TRHDE: variants seen among roughly 807,000 people sequenced by gnomAD.
The protein encoded by TRHDE is thyrotropin releasing hormone degrading enzyme.
In TRHDE, 72 loss-of-function variants were observed where a neutral mutation model predicts 125.7. The observed-to-expected ratio is 0.57, with a 90% CI of 0.47 to 0.70. The LOEUF is 0.70. Ranked by LOEUF, TRHDE falls within the 30% of genes least tolerant of loss-of-function variation. The pLI, the probability that TRHDE is intolerant of heterozygous loss-of-function variation, is 0.00. For synonymous variants in TRHDE, 509 were observed against 509.1 expected, an observed-to-expected ratio of 1.00 and a Z score of 0.00; for missense variants, 1,110 against 1,327.1, an observed-to-expected ratio of 0.84 and a Z score of 2.54.
At chr12:72,589,959 T>C (rs983380030) in intron 12 of TRHDE, among the ~76,000 whole-genome samples, 1 of 152,034 alleles carries the variant, frequency 6.6e-6, no homozygotes, top group Non-Finnish European at 1.5e-5. Context: ...TTCTAGTTTT[T>C]TAAATGGAGT....
At chr12:72,547,366 T>A (rs549824245) in intron 7 of TRHDE, among the ~76,000 whole-genome samples, 1 of 151,824 alleles carries the variant, frequency 6.6e-6, no homozygotes, top group South Asian at 2.1e-4. Flanking sequence ...TCAATCCAGT[T>A]GCTTGTGGTC....
chr12:72,404,721 G>A (rs1187494139), intron 3 of TRHDE, among the ~76,000 whole-genome samples: 1 of 152,052 alleles, frequency 6.6e-6, no homozygotes. Context: ...CTCCCATCAG[G>A]TCCTTCTCAC....
At chr12:72,146,219 G>A (rs986379996) in intron 2 of TRHDE, among the ~76,000 whole-genome samples, 4 of 152,124 alleles carry the variant, frequency 2.6e-5, no homozygotes, top group Non-Finnish European at 4.4e-5. Context: ...TCTTTGTCTT[G>A]TTTAAATACT....
chr12:72,500,065 A>C (rs1420427176), intron 6 of TRHDE, among the ~76,000 whole-genome samples: 1 of 152,198 alleles, frequency 6.6e-6, no homozygotes, highest in East Asian at 1.9e-4. Context: ...GCATCTTATA[A>C]ACATTATTTA....
chr12:72,447,775 G>A (rs1875371176), intron 3 of TRHDE, among the ~76,000 whole-genome samples: 1 of 152,026 alleles, frequency 6.6e-6, no homozygotes, highest in South Asian at 2.1e-4. Context: ...GAGCCTCAGA[G>A]AGAATTGATC....
At chr12:72,105,712 T>A (rs1033617101) in exon 2 of TRHDE, 1 of 152,156 alleles carries the variant, frequency 6.6e-6, no homozygotes, top group Non-Finnish European at 1.5e-5. Context: ...GCAGTCTGAC[T>A]CCAAGTCTGT....
At chr12:72,507,821 C>T (rs925191204) in intron 6 of TRHDE, among the ~76,000 whole-genome samples, 3 of 152,208 alleles carry the variant, frequency 2.0e-5, no homozygotes, top group African/African-American at 4.8e-5. Context: ...GGCCTGGAGA[C>T]CTAGGAGGGA....
chr12:72,430,720 AT>A (rs1206676821), intron 3 of TRHDE, among the ~76,000 whole-genome samples: 8 of 151,826 alleles, frequency 5.3e-5, no homozygotes, highest in African/African-American at 1.7e-4. Context: ...TTTCATGGTC[AT>A]TTTGGCAACT....
At position 72,200,615 on chromosome 12, in the gene TRHDE, G is replaced by C. The variant is rs534071756; in HGVS notation, n.279+94863G>C. Among the ~76,000 whole-genome samples, 6 of 152,256 alleles carry C rather than the reference G, an allele frequency of 3.9e-5. No individual in the cohort carries two copies. In the East Asian group the frequency reaches 1.2e-3, roughly 29 times the overall value. On this transcript the variant is annotated intron_variant and non_coding_transcript_variant, in intron 2 of 4. Coordinates refer to the TRHDE transcript ENST00000548156. The stretch of plus-strand genomic sequence containing the variant: ...TGCTTTTGTGGCTGGATTGGGACAT[G>C]CAGGGAGTTAAAAGGAGATATAATG...
rs139018729 is a variant in TRHDE at position 72,349,872 on chromosome 12, A to G, written c.1189-28123A>G. On this transcript the variant is annotated intron_variant, in intron 2 of 18. Coordinates refer to ENST00000261180, the MANE Select transcript of TRHDE (RefSeq NM_013381.3). ...CTAGTTGCCTCATCTGTAAATTGGG[A>G]ACAGATATCATGCGTTTCTCATGCA... Among the ~76,000 whole-genome samples the G allele has an allele frequency of 4.6e-5, 7 of 152,098 alleles. No individual in the cohort carries two copies. In the East Asian group the frequency reaches 1.4e-3, roughly 30 times the overall value.
At chr12:72,206,402 G>A (rs1877666383) in intron 2 of TRHDE, among the ~76,000 whole-genome samples, 1 of 152,098 alleles carries the variant, frequency 6.6e-6, no homozygotes, top group Non-Finnish European at 1.5e-5. Flanking sequence ...AGGACTGATT[G>A]TTATTTAATT....
At chr12:72,620,847 ATATTTAC>A (rs1351113803) in intron 13 of TRHDE, among the ~76,000 whole-genome samples, 1 of 152,132 alleles carries the variant, frequency 6.6e-6, no homozygotes, top group Non-Finnish European at 1.5e-5. Context: ...ATCATCTAAA[ATATTTAC>A]TCATGCAAAT....
At chr12:72,662,407 A>G (rs1462404536) in intron 18 of TRHDE, among the ~76,000 whole-genome samples, 2 of 152,188 alleles carry the variant, frequency 1.3e-5, no homozygotes, top group Non-Finnish European at 2.9e-5. Flanking sequence ...TTATAACTTA[A>G]ATGCTCAGAT....
At chr12:72,184,224 G>A (rs2139343578) in intron 2 of TRHDE, among the ~76,000 whole-genome samples, 1 of 152,206 alleles carries the variant, frequency 6.6e-6, no homozygotes, top group South Asian at 2.1e-4. Flanking sequence ...GGTGCCTGGG[G>A]TCTTCTTTTC....
chr12:72,653,506 G>A lies in TRHDE; in HGVS notation c.2984+350G>A, dbSNP rs1874590184. On this transcript the variant is annotated intron_variant, in intron 17 of 18. Coordinates refer to ENST00000261180, the MANE Select transcript of TRHDE (RefSeq NM_013381.3). ...TATAGAAATGATTTATAAATACAGT[G>A]GTATTATAAAAATAAAACGTTAATT... 2.6e-5 allele frequency among the ~76,000 whole-genome samples: 4 copies of A among 151,390 alleles called. No individual in the cohort carries two copies. The South Asian group carries it at 8.4e-4, about 32-fold the overall frequency.
intron 2 of TRHDE, among the ~76,000 whole-genome samples, chr12:72,116,389 C>T (rs1875444177): frequency 6.6e-6 from 1 of 152,070 alleles, no homozygotes; most frequent in African/African-American, 2.4e-5. Flanking sequence ...AATGGGATTG[C>T]TGGGTCAAAT....
intron 2 of TRHDE, among the ~76,000 whole-genome samples, chr12:72,145,472 G>A (rs1876206428): frequency 6.6e-6 from 1 of 152,218 alleles, no homozygotes; most frequent in Admixed American, 6.5e-5. Context: ...GTGGCCACCA[G>A]TGTAGCTTGG....
intron 2 of TRHDE, among the ~76,000 whole-genome samples, chr12:72,332,060 C>G (rs1375031107): frequency 1.3e-5 from 2 of 152,142 alleles, no homozygotes; most frequent in African/African-American, 2.4e-5. Flanking sequence ...AGCTTACAAT[C>G]ATAGCAGAAG....
intron 2 of TRHDE, among the ~76,000 whole-genome samples, chr12:72,240,632 C>T (rs1204022911): frequency 1.3e-5 from 2 of 151,636 alleles, no homozygotes; most frequent in Non-Finnish European, 2.9e-5. Flanking sequence ...TACAGTGGCG[C>T]GATCTCGGCT....
Sources: allele counts gnomAD v4.1 joint callset (sites outside exome capture counted in the v4.1 genomes callset), GRCh38; gene constraint gnomAD v4.1.1; transcripts MANE v1.5; gene names NCBI Gene and HGNC (gene_info 2026-07-23, HGNC 2026-07-21).